TMEM41B: variants seen among roughly 807,000 people sequenced by gnomAD.
TMEM41B encodes the protein transmembrane protein 41B, also known as protein stasimon.
TMEM41B carries 18 observed loss-of-function variants against 31.9 expected under a neutral mutation model. That is an observed-to-expected ratio of 0.56 (90% confidence interval 0.39 to 0.84). TMEM41B has a LOEUF of 0.84. Ranked by LOEUF, TMEM41B falls within the 40% of genes least tolerant of loss-of-function variation. The pLI, the probability that TMEM41B is intolerant of heterozygous loss-of-function variation, is 0.00. For synonymous variants in TMEM41B, 144 were observed against 124.3 expected, an observed-to-expected ratio of 1.16 and a Z score of -1.05; for missense variants, 322 against 348.0, an observed-to-expected ratio of 0.93 and a Z score of 0.59.
chr11:9,288,492 G>C lies in TMEM41B; in HGVS notation c.412C>G (p.Leu138Val), dbSNP rs1380046385. 1 of 1,598,532 alleles carries C rather than the reference G, an allele frequency of 6.3e-7. No individual in the cohort carries two copies. Among genetic ancestry groups the C allele is most frequent in the Non-Finnish European group, 8.5e-7 (1 of 1,174,458 alleles). ...AIPGSIFLSI[L>V]SGFLYPFPLA... ...GGAAAGGGATAAAGAAACCCTGAGA[G>C]TATACTGAGAAATATAGAGCCTGGA... is the stretch of plus-strand genomic sequence containing the variant. Residue 138 changes from leucine (L) to valine (V), a missense_variant, in exon 4 of 7, where the codon CTC becomes GTC. Around this residue, in one of 3 missense-constraint regions of TMEM41B, gnomAD observed 183 missense variants for 175.3 expected, o/e 1.04. Coordinates refer to ENST00000528080, the MANE Select transcript of TMEM41B (RefSeq NM_015012.4).
chr11:9,309,933 A>AG (rs1491302916), intron 1 of TMEM41B, among the ~76,000 whole-genome samples: 1 of 151,462 alleles, frequency 6.6e-6, no homozygotes, highest in African/African-American at 2.4e-5. Flanking sequence ...AAAAAAAAAA[A>AG]CAAAAGAACA....
At chr11:9,304,224 G>T (rs927377257) in intron 1 of TMEM41B, among the ~76,000 whole-genome samples, 2 of 152,104 alleles carry the variant, frequency 1.3e-5, no homozygotes, top group African/African-American at 4.8e-5. Context: ...ATCTCAGGTA[G>T]GTCAAACATG....
chr11:9,308,109 G>A (rs917681484), intron 1 of TMEM41B, among the ~76,000 whole-genome samples: 15 of 152,168 alleles, frequency 9.9e-5, no homozygotes, highest in African/African-American at 3.6e-4. Context: ...CACTTTGGGA[G>A]GCTGAGGTGG....
chr11:9,314,564 C>A lies in TMEM41B; in HGVS notation c.-123G>T. On this transcript the variant is annotated 5_prime_UTR_variant, in exon 1 of 7. Transcript: ENST00000528080. ...GCCACTTCCGGCGCGACCTCCTCAC[C>A]CGAGACGACCTCAGCCCAGCGAGTA... 1 of 1,357,288 alleles carries A rather than the reference C, an allele frequency of 7.4e-7. No homozygotes were observed. The highest frequency in any genetic ancestry group is 9.8e-7 in the Non-Finnish European group (1 of 1,024,036). The allele number at this position is 1,357,288 out of a possible 1,614,324, so 84.1% of individuals were successfully genotyped here.
intron 1 of TMEM41B, 39 bp from the exon 2 acceptor site, chr11:9,299,740 A>G: frequency 7.4e-7 from 1 of 1,359,936 alleles, no homozygotes; most frequent in Non-Finnish European, 1.0e-6. Context: ...ATAAATATAA[A>G]GGAAGACATG....
chr11:9,286,334 C>T (rs995028423), intron 6 of TMEM41B, 121 bp downstream of exon 6: 8 of 1,032,096 alleles, frequency 7.8e-6, no homozygotes, highest in Non-Finnish European at 1.1e-5. Context: ...AGGCTTTGTG[C>T]CCAAGAATTC....
chr11:9,314,185 G>T, intron 1 of TMEM41B, 136 bp downstream of exon 1: 1 of 1,173,884 alleles, frequency 8.5e-7, no homozygotes, highest in South Asian at 1.7e-5. Flanking sequence ...ACTCCCCCAC[G>T]GTCTCTGCTC....
At chr11:9,290,592 G>A (rs984378306) in intron 3 of TMEM41B, among the ~76,000 whole-genome samples, 7 of 151,900 alleles carry the variant, frequency 4.6e-5, no homozygotes, top group African/African-American at 1.4e-4. Context: ...GACTCCAAAG[G>A]ATGAAAGGAG....
intron 3 of TMEM41B, among the ~76,000 whole-genome samples, chr11:9,290,539 T>TA (rs1342523235): frequency 2.9e-4 from 41 of 140,886 alleles, no homozygotes; most frequent in African/African-American, 8.9e-4. Context: ...CCCCAGAACT[T>TA]AAAGTATAAT....
rs149203644 is a variant in TMEM41B at position 9,290,402 on chromosome 11, T to C, written c.369-1867A>G. On this transcript the variant is annotated intron_variant, in intron 3 of 6. Transcript: ENST00000528080. ...AAAAACAAAACAAAACAAAACATCA[T>C]ATTATGGATAGTTTCACACATATGT... Among the ~76,000 whole-genome samples the C allele has an allele frequency of 1.6e-4, 24 of 152,146 alleles. No homozygotes were observed. In the East Asian group the frequency reaches 4.2e-3, roughly 27 times the overall value.
At chr11:9,306,796 C>T (rs1853409798) in intron 1 of TMEM41B, among the ~76,000 whole-genome samples, 1 of 152,162 alleles carries the variant, frequency 6.6e-6, no homozygotes, top group Non-Finnish European at 1.5e-5. Flanking sequence ...TTATAGCAGT[C>T]CCCAAAAGAG....
At chr11:9,304,632 T>C (rs1288970800) in intron 1 of TMEM41B, among the ~76,000 whole-genome samples, 1 of 151,802 alleles carries the variant, frequency 6.6e-6, no homozygotes, top group Non-Finnish European at 1.5e-5. Flanking sequence ...ACCACAGGTG[T>C]TTGTGACCAT....
At chr11:9,313,793 G>T (rs903752054) in intron 1 of TMEM41B, among the ~76,000 whole-genome samples, 21 of 152,128 alleles carry the variant, frequency 1.4e-4, no homozygotes, top group Admixed American at 1.4e-3. Context: ...CCATTTCACA[G>T]TTCAGACACT....
In TMEM41B at chr11:9,299,656, A is replaced by G; in HGVS notation, c.167T>C (p.Ile56Thr). The change falls in exon 2 of 7, where the codon ATA becomes ACA. Residue 56 changes from isoleucine to threonine, a missense_variant. Physicochemically the swap from Ile to Thr is moderately conservative, Grantham distance 89. This residue lies in a region of TMEM41B where 183 missense variants were observed against 175.3 expected (regional missense o/e 1.04). Transcript: ENST00000528080. ...TGCAGATAAGAAAATGGACACCAAT[A>G]TAAGGAGTGACATTCTTGCTGATCC... ...EAGSARMSLL[I>T]LVSIFLSAAF... The G allele has an allele frequency of 6.2e-7, 1 of 1,613,596 alleles. No homozygotes were observed. Among genetic ancestry groups the G allele is most frequent in the Non-Finnish European group, 8.5e-7 (1 of 1,179,930 alleles).
At chr11:9,294,298 G>A (rs1420037419) in intron 3 of TMEM41B, among the ~76,000 whole-genome samples, 3 of 149,740 alleles carry the variant, frequency 2.0e-5, no homozygotes, top group Non-Finnish European at 3.0e-5. Context: ...GGTTCCAGAC[G>A]ACCCTGGCCA....
chr11:9,299,347 T>TACACACACACAC, intron 2 of TMEM41B, among the ~76,000 whole-genome samples: 1 of 60,550 alleles, frequency 1.7e-5, no homozygotes, highest in Non-Finnish European at 3.7e-5. Flanking sequence ...CACACACACG[T>TACACACACACAC]GTGTGTATAT....
rs1430856176 is a variant in TMEM41B at position 9,283,204 on chromosome 11, T to C, written c.*220A>G. 5 of 400,422 alleles carry C rather than the reference T, an allele frequency of 1.2e-5. No homozygotes were observed. The highest frequency in any genetic ancestry group is 1.0e-4 in the African/African-American group (5 of 48,080). 24.8% of individuals were successfully genotyped at this position (400,422 alleles called of 1,614,324 possible). On this transcript the variant is annotated 3_prime_UTR_variant, in exon 7 of 7. Transcript: ENST00000528080. The stretch of plus-strand genomic sequence containing the variant: ...TAATTTATAAGATGTCTAAGATGTC[T>C]ACCTTAACTATTGATAGCACTTTTC...
At chr11:9,298,940 G>A (rs906936232) in intron 2 of TMEM41B, among the ~76,000 whole-genome samples, 1 of 151,942 alleles carries the variant, frequency 6.6e-6, no homozygotes, top group Non-Finnish European at 1.5e-5. Context: ...TTATACCAGG[G>A]TGGTATTACT....
At chr11:9,308,203 C>T (rs1283396917) in intron 1 of TMEM41B, among the ~76,000 whole-genome samples, 2 of 151,996 alleles carry the variant, frequency 1.3e-5, no homozygotes, top group African/African-American at 2.4e-5. Context: ...ATTAGTTGGG[C>T]GTGGTGGTAT....
Sources: allele counts gnomAD v4.1 joint callset (sites outside exome capture counted in the v4.1 genomes callset), GRCh38; gene constraint gnomAD v4.1.1; regional missense constraint gnomAD v4.1.1; transcripts MANE v1.5; gene names NCBI Gene and HGNC (gene_info 2026-07-23, HGNC 2026-07-21).